Variants in PCDH15 observed in about 807,000 individuals in gnomAD.
The protein encoded by PCDH15 is protocadherin-15.
PCDH15 carries 129 observed loss-of-function variants against 178.5 expected under a neutral mutation model. That is an observed-to-expected ratio of 0.72 (90% CI 0.63 to 0.84). PCDH15 has a LOEUF of 0.84. PCDH15 is among the 40% of genes least tolerant of loss of function. PCDH15 has a pLI of 0.00. For missense variants in PCDH15, 2,230 were observed against 2,099.9 expected (o/e 1.06, Z -1.21); for synonymous variants, 800 against 732.0 (o/e 1.09, Z -1.50).
At chr10:53,998,322 A>C (rs1405165842) in intron 20 of PCDH15, among the ~76,000 whole-genome samples, 1 of 152,034 alleles carries the variant, frequency 6.6e-6, no homozygotes, top group Admixed American at 6.6e-5. Context: ...AACTTGAAAA[A>C]CCTTATGGTT....
At chr10:55,140,270 A>G (rs1180510483) in intron 2 of PCDH15, among the ~76,000 whole-genome samples, 1 of 151,888 alleles carries the variant, frequency 6.6e-6, no homozygotes, top group Non-Finnish European at 1.5e-5. Flanking sequence ...TGTTGCATGA[A>G]AGTATTAAAA....
At chr10:54,138,617 C>T (rs544684252) in intron 14 of PCDH15, among the ~76,000 whole-genome samples, 1 of 152,268 alleles carries the variant, frequency 6.6e-6, no homozygotes, top group Admixed American at 6.5e-5. Flanking sequence ...TAACCATGGT[C>T]AGGCCTGGTC....
intron 2 of PCDH15, among the ~76,000 whole-genome samples, chr10:55,155,472 T>C (rs1037455443): frequency 1.4e-5 from 2 of 140,432 alleles, no homozygotes; most frequent in African/African-American, 5.3e-5. Context: ...GGCTGTGAGC[T>C]TTCTGGCAAC....
intron 2 of PCDH15, among the ~76,000 whole-genome samples, chr10:55,329,564 A>G (rs1335517887): frequency 6.6e-6 from 1 of 151,778 alleles, no homozygotes; most frequent in Non-Finnish European, 1.5e-5. Flanking sequence ...TACTAAGAAA[A>G]TTATAGTTTG....
Position 55,126,002 on chromosome 10 carries a change from T to A in PCDH15, c.-80+40574A>T, listed in dbSNP as rs561634873. 3.3e-5 allele frequency among the ~76,000 whole-genome samples: 5 copies of A among 152,198 alleles called. No individual in the cohort carries two copies. The South Asian group carries it at 1.0e-3, about 32-fold the overall frequency. Reference sequence around the variant, plus strand: ...GGGTTCTGTCTTCATTAAGTTGCAATGTATTTCCATTGACCAAGATTTTTG... The same window carrying A: ...GGGTTCTGTCTTCATTAAGTTGCAAAGTATTTCCATTGACCAAGATTTTTG... On this transcript the variant is annotated intron_variant, in intron 2 of 5. Transcript: ENST00000458638.
chr10:54,632,207 C>A (rs1417724964), intron 2 of PCDH15, among the ~76,000 whole-genome samples: 1 of 152,018 alleles, frequency 6.6e-6, no homozygotes, highest in Non-Finnish European at 1.5e-5. Context: ...TACATGTTCT[C>A]ACTTATAAGT....
intron 1 of PCDH15, among the ~76,000 whole-genome samples, chr10:54,784,057 A>C (rs1432968427): frequency 6.7e-6 from 1 of 149,556 alleles, no homozygotes; most frequent in Non-Finnish European, 1.5e-5. Flanking sequence ...AACTTATTAC[A>C]CCATGAGGTC....
chr10:54,532,361 C>G (rs756323359), intron 2 of PCDH15, among the ~76,000 whole-genome samples: 3 of 152,166 alleles, frequency 2.0e-5, no homozygotes, highest in Non-Finnish European at 2.9e-5. Flanking sequence ...CCAGTCTCAT[C>G]TATTTCCATG....
intron 2 of PCDH15, among the ~76,000 whole-genome samples, chr10:54,553,609 C>T (rs1054092100): frequency 2.0e-5 from 3 of 152,146 alleles, no homozygotes; most frequent in African/African-American, 7.2e-5. Context: ...CTAGAGCCAG[C>T]TCTGGAATTA....
rs144718386 is a variant in PCDH15 at position 53,829,478 on chromosome 10, T to C, written c.4203-905A>G. On this transcript the variant is annotated intron_variant, in intron 30 of 37. Coordinates refer to ENST00000644397, the MANE Select transcript of PCDH15 (RefSeq NM_001384140.1). ...GATATAATAAAGCTCCTTTGGAAAA[T>C]AGTTAAGTGTAAAAAGATAACTGGT... is the stretch of plus-strand genomic sequence containing the variant. 2.8e-3 allele frequency among the ~76,000 whole-genome samples: 428 copies of C among 152,294 alleles called. 2 individuals carry two copies. Among genetic ancestry groups the C allele is most frequent in the African/African-American group, 9.5e-3 (396 of 41,552 alleles).
At chr10:54,336,453 G>A (rs1364335519) in intron 6 of PCDH15, among the ~76,000 whole-genome samples, 2 of 152,088 alleles carry the variant, frequency 1.3e-5, no homozygotes, top group Non-Finnish European at 2.9e-5. Flanking sequence ...CCCCCTTTCC[G>A]TGTGCAGCCT....
At chr10:54,306,538 G>A (rs1441008722) in intron 8 of PCDH15, among the ~76,000 whole-genome samples, 1 of 151,982 alleles carries the variant, frequency 6.6e-6, no homozygotes, top group African/African-American at 2.4e-5. Context: ...TTTACTTAAA[G>A]CCTTCAACTG....
intron 25 of PCDH15, among the ~76,000 whole-genome samples, chr10:53,937,008 G>A (rs1197133161): frequency 6.6e-6 from 1 of 151,422 alleles, no homozygotes; most frequent in South Asian, 2.1e-4. Context: ...AATCATAAAA[G>A]GTTAATAACA....
intron 10 of PCDH15, among the ~76,000 whole-genome samples, chr10:54,210,999 A>T (rs150224064): frequency 1.3e-5 from 2 of 152,252 alleles, no homozygotes; most frequent in African/African-American, 2.4e-5. Flanking sequence ...AATTGGCCTT[A>T]ATAATTAATG....
At chr10:55,437,218 T>TTTCAATGTACCTG (rs112436954) in intron 2 of PCDH15, among the ~76,000 whole-genome samples, 2 of 151,844 alleles carry the variant, frequency 1.3e-5, no homozygotes, top group African/African-American at 4.8e-5. Context: ...GGATCTCAAT[T>TTTCAATGTACCTG]TAATTGGAGA....
intron 3 of PCDH15, among the ~76,000 whole-genome samples, chr10:54,822,429 T>G (rs567664229): frequency 1.4e-4 from 22 of 152,272 alleles, no homozygotes; most frequent in African/African-American, 5.1e-4. Context: ...AGCATAATGT[T>G]TTCTAGTTCC....
At chr10:55,513,104 G>A (rs1840925884) in intron 2 of PCDH15, 1 of 152,108 alleles carries the variant, frequency 6.6e-6, no homozygotes, top group Non-Finnish European at 1.5e-5. Flanking sequence ...TAATCGTTGA[G>A]CACATTTTAA....
intron 3 of PCDH15, among the ~76,000 whole-genome samples, chr10:54,479,563 A>G (rs988510215): frequency 2.0e-4 from 30 of 152,022 alleles, no homozygotes; most frequent in South Asian, 2.1e-4. Context: ...AAAGTAAAAG[A>G]TCCCTTTTCC....
chr10:54,178,473 G>T (rs1293616186), intron 13 of PCDH15, among the ~76,000 whole-genome samples: 4 of 152,078 alleles, frequency 2.6e-5, no homozygotes, highest in Non-Finnish European at 5.9e-5. Context: ...AAAGGGAAGG[G>T]ATTAGTCACT....
Sources: gnomAD v4.1 joint callset for allele counts (sites outside exome capture counted in the v4.1 genomes callset) on GRCh38, gnomAD v4.1.1 for gene constraint, MANE v1.5 for transcripts, NCBI Gene and HGNC (gene_info 2026-07-23, HGNC 2026-07-21) for gene names.